The following FMNL2 variants were observed in gnomAD, a reference collection of about 807,000 sequenced individuals.
FMNL2 encodes the protein formin like 2.
A neutral mutation model predicts 130.2 loss-of-function variants in FMNL2; 51 were observed. The observed-to-expected ratio is 0.39, with a 90% confidence interval of 0.31 to 0.49. FMNL2 has a LOEUF of 0.49. Among genes scored for constraint, FMNL2 ranks in the 20% least tolerant of loss-of-function variants. The pLI is 0.85. For synonymous variants in FMNL2, 465 were observed against 467.1 expected (o/e 1.00, Z 0.06); for missense variants, 977 against 1,316.2 (o/e 0.74, Z 3.99).
chr2:152,483,175 T>A (rs906493191), intron 1 of FMNL2, among the ~76,000 whole-genome samples: 4 of 152,054 alleles, frequency 2.6e-5, no homozygotes, highest in African/African-American at 9.7e-5. Flanking sequence ...TTTGACTCTT[T>A]AAAAAAACAC....
chr2:152,639,838 TCAAC>T, intron 23 of FMNL2, 116 bp from the exon 24 acceptor site: 5 of 650,524 alleles, frequency 7.7e-6, no homozygotes, highest in South Asian at 4.1e-5. Context: ...GTAGATCTTC[TCAAC>T]CTTCCATTTA....
At chr2:152,482,857 C>T (rs1172202523) in intron 1 of FMNL2, among the ~76,000 whole-genome samples, 1 of 152,240 alleles carries the variant, frequency 6.6e-6, no homozygotes, top group East Asian at 1.9e-4. Context: ...TATAAAACAT[C>T]AAGTAAACAC....
chr2:152,559,379 C>G (rs1484268689), intron 5 of FMNL2, among the ~76,000 whole-genome samples: 1 of 152,158 alleles, frequency 6.6e-6, no homozygotes, highest in Non-Finnish European at 1.5e-5. Flanking sequence ...GTGGCATGAT[C>G]TCGGCTCACT....
At chr2:152,498,138 T>C (rs1351963859) in intron 1 of FMNL2, among the ~76,000 whole-genome samples, 1 of 152,200 alleles carries the variant, frequency 6.6e-6, no homozygotes. Flanking sequence ...TGAAGTCATG[T>C]CATACTCATA....
At chr2:152,395,843 T>C (rs1034257878) in intron 1 of FMNL2, among the ~76,000 whole-genome samples, 1 of 129,078 alleles carries the variant, frequency 7.7e-6, no homozygotes, top group Non-Finnish European at 1.5e-5. Flanking sequence ...AATACCCAAC[T>C]GTGAGATGAA....
chr2:152,597,799 T>C (rs572360520), intron 9 of FMNL2, among the ~76,000 whole-genome samples: 24 of 152,320 alleles, frequency 1.6e-4, no homozygotes, highest in African/African-American at 5.8e-4. Flanking sequence ...CCAAATCCAT[T>C]CTCTGCTGTC....
intron 2 of FMNL2, among the ~76,000 whole-genome samples, chr2:152,533,669 G>A (rs13409883): frequency 6.6e-6 from 1 of 151,170 alleles, no homozygotes; most frequent in African/African-American, 2.4e-5. Context: ...GAGTTTGGCA[G>A]AAGATGCACT....
intron 1 of FMNL2, among the ~76,000 whole-genome samples, chr2:152,358,300 T>A (rs975529352): frequency 6.6e-6 from 1 of 152,108 alleles, no homozygotes; most frequent in African/African-American, 2.4e-5. Context: ...GCTTCCTTGC[T>A]CCTCAGTTTG....
At chr2:152,424,632 G>A (rs570088280) in intron 1 of FMNL2, among the ~76,000 whole-genome samples, 4 of 151,688 alleles carry the variant, frequency 2.6e-5, no homozygotes, top group Admixed American at 6.6e-5. Flanking sequence ...CTTGTGATTC[G>A]CCCATCTCGG....
At chr2:152,352,757 T>G (rs896161572) in intron 1 of FMNL2, among the ~76,000 whole-genome samples, 2 of 152,126 alleles carry the variant, frequency 1.3e-5, no homozygotes, top group African/African-American at 4.8e-5. Flanking sequence ...GAAGGCTTTC[T>G]GAAGGCTCTC....
intron 9 of FMNL2, among the ~76,000 whole-genome samples, chr2:152,581,558 C>T (rs1696781272): frequency 2.0e-5 from 3 of 152,184 alleles, no homozygotes; most frequent in Admixed American, 2.0e-4. Flanking sequence ...TGTCTGACCA[C>T]AAAGAAAGGA....
chr2:152,481,041 G>T (rs1388068440), intron 1 of FMNL2, among the ~76,000 whole-genome samples: 2 of 152,340 alleles, frequency 1.3e-5, no homozygotes, highest in Non-Finnish European at 2.9e-5. Flanking sequence ...TTAGTCTGCA[G>T]ATTTGAAGCA....
intron 2 of FMNL2, among the ~76,000 whole-genome samples, chr2:152,529,998 C>T (rs1693602420): frequency 6.6e-6 from 1 of 152,076 alleles, no homozygotes; most frequent in South Asian, 2.1e-4. Context: ...CTGTATTTTG[C>T]CAAAATGTAT....
intron 2 of FMNL2, among the ~76,000 whole-genome samples, chr2:152,531,984 T>A (rs1415124318): frequency 1.3e-5 from 2 of 152,178 alleles, no homozygotes; most frequent in Non-Finnish European, 2.9e-5. Flanking sequence ...TGAAGTCGTA[T>A]TAATGGTTTG....
intron 22 of FMNL2, 135 bp downstream of exon 22, chr2:152,636,725 A>G: frequency 9.2e-7 from 1 of 1,083,396 alleles, no homozygotes; most frequent in Non-Finnish European, 1.3e-6. Flanking sequence ...TGTAACTATT[A>G]TTTATTACGG....
At chr2:152,365,730 G>A (rs975998967) in intron 1 of FMNL2, among the ~76,000 whole-genome samples, 2 of 151,982 alleles carry the variant, frequency 1.3e-5, no homozygotes, top group African/African-American at 2.4e-5. Context: ...CCGAGATCAC[G>A]CCACTGCACT....
chr2:152,514,895 C>T (rs560356471), intron 1 of FMNL2, among the ~76,000 whole-genome samples: 2 of 152,178 alleles, frequency 1.3e-5, no homozygotes, highest in South Asian at 2.1e-4. Context: ...CATACATTAT[C>T]GAATTTAATT....
Position 152,483,635 on chromosome 2 carries a change from C to T in FMNL2, c.118-38308C>T, listed in dbSNP as rs147941089. Among the ~76,000 whole-genome samples, 4 of 152,342 alleles carry T rather than the reference C, an allele frequency of 2.6e-5. No homozygotes were observed. The East Asian group carries it at 7.7e-4, about 29-fold the overall frequency. ...TCCTTTGTGCCCTCCTTCCCTGATG[C>T]TAAGCCCCAGGAAAAGATTCCATGT... is the stretch of plus-strand genomic sequence containing the variant. On this transcript the variant is annotated intron_variant, in intron 1 of 25. Transcript: ENST00000288670.
chr2:152,495,151 A>C (rs1254046765), intron 1 of FMNL2, among the ~76,000 whole-genome samples: 1 of 152,212 alleles, frequency 6.6e-6, no homozygotes, highest in East Asian at 1.9e-4. Context: ...TGTAAATGGC[A>C]GTTCAATGGT....
Sources: allele counts gnomAD v4.1 joint callset (sites outside exome capture counted in the v4.1 genomes callset), GRCh38; gene constraint gnomAD v4.1.1; transcripts MANE v1.5; gene names NCBI Gene and HGNC (gene_info 2026-07-23, HGNC 2026-07-21).